The following LPP variants were observed in gnomAD, a reference collection of about 807,000 sequenced individuals.
LPP encodes the protein LIM domain containing preferred translocation partner in lipoma.
Under a neutral mutation model 60.4 loss-of-function variants are expected in LPP, and 38 were observed. The ratio of observed to expected loss-of-function variants is 0.63; its 90% CI spans 0.49 to 0.83. The LOEUF is 0.83. Ranked by LOEUF, LPP falls within the 40% of genes least tolerant of loss-of-function variation. The pLI, the probability that LPP is intolerant of heterozygous loss-of-function variation, is 0.00. For synonymous variants in LPP, 328 were observed against 290.8 expected (o/e 1.13, Z -1.30); for missense variants, 902 against 783.6 (o/e 1.15, Z -1.80).
At chr3:188,540,916 G>T (rs569775633) in intron 6 of LPP, among the ~76,000 whole-genome samples, 2 of 152,196 alleles carry the variant, frequency 1.3e-5, no homozygotes, top group African/African-American at 4.8e-5. Flanking sequence ...CTTGTGCTTT[G>T]CCCAGCCCCC....
At chr3:188,156,139 G>A (rs1222496557) in intron 1 of LPP, among the ~76,000 whole-genome samples, 1 of 152,196 alleles carries the variant, frequency 6.6e-6, no homozygotes, top group Non-Finnish European at 1.5e-5. Flanking sequence ...CTCCAGAGGG[G>A]ATTACCTATT....
At chr3:188,483,093 A>T (rs1560461625) in intron 4 of LPP, among the ~76,000 whole-genome samples, 3 of 152,130 alleles carry the variant, frequency 2.0e-5, no homozygotes, top group Non-Finnish European at 4.4e-5. Flanking sequence ...ATCTTAGCAA[A>T]CTGCCTGGCA....
intron 2 of LPP, among the ~76,000 whole-genome samples, chr3:188,293,890 C>A (rs1425108091): frequency 1.3e-5 from 2 of 151,394 alleles, no homozygotes; most frequent in Admixed American, 6.6e-5. Flanking sequence ...CATGGTGAAA[C>A]CCCCGTCTCT....
At chr3:188,374,323 A>G (rs1774272516) in intron 3 of LPP, among the ~76,000 whole-genome samples, 1 of 152,084 alleles carries the variant, frequency 6.6e-6, no homozygotes, top group Admixed American at 6.5e-5. Context: ...CATGATATTG[A>G]TTCTTCCTAC....
chr3:188,620,661 C>A (rs1000632318), intron 7 of LPP, among the ~76,000 whole-genome samples: 1 of 152,018 alleles, frequency 6.6e-6, no homozygotes, highest in African/African-American at 2.4e-5. Context: ...TGGGTATACA[C>A]CTAAAAGTGG....
intron 8 of LPP, among the ~76,000 whole-genome samples, chr3:188,717,497 G>GA (rs1267996799): frequency 6.6e-6 from 1 of 152,114 alleles, no homozygotes; most frequent in Admixed American, 6.5e-5. Flanking sequence ...CCTAATTAAT[G>GA]AAAAACCCCA....
At chr3:188,832,952 A>G (rs1757486357) in intron 9 of LPP, among the ~76,000 whole-genome samples, 1 of 152,196 alleles carries the variant, frequency 6.6e-6, no homozygotes, top group Admixed American at 6.5e-5. Context: ...TGGCAAGTCG[A>G]TAACACTGGA....
At chr3:188,865,501 G>A (rs1295379009) in intron 9 of LPP, among the ~76,000 whole-genome samples, 1 of 152,206 alleles carries the variant, frequency 6.6e-6, no homozygotes, top group Admixed American at 6.5e-5. Context: ...TCATCTGACA[G>A]GCTATTCTGT....
chr3:188,282,169 T>C (rs979600742), intron 2 of LPP, among the ~76,000 whole-genome samples: 10 of 152,068 alleles, frequency 6.6e-5, no homozygotes. Context: ...CTTTCTTTAT[T>C]ATATTTTTAG....
rs545696191 is a variant in LPP, at chr3:188,416,100, A to AT, written c.193+9790dup. Among the ~76,000 whole-genome samples, 52 of 30,502 alleles carry AT rather than the reference A, an allele frequency of 1.7e-3. 1 individual carries two copies. Among genetic ancestry groups the AT allele is most frequent in the South Asian group, 4.2e-3 (7 of 1,682 alleles). 20.0% of individuals were successfully genotyped at this position (30,502 alleles called of 152,430 possible). On this transcript the variant is annotated intron_variant, in intron 4 of 11. Coordinates refer to ENST00000617246, the MANE Select transcript of LPP (RefSeq NM_001375462.1). ...TTTTTGCAACTTTCTATGAGTCCATATTTAAAAAAAAATTAATAATAGTAA... is the reference window on the plus strand; with the variant it reads ...TTTTTGCAACTTTCTATGAGTCCATATTTTAAAAAAAAATTAATAATAGTAA...
intron 4 of LPP, among the ~76,000 whole-genome samples, chr3:188,433,568 G>A (rs1791485110): frequency 7.1e-6 from 1 of 141,512 alleles, no homozygotes; most frequent in Non-Finnish European, 1.5e-5. Context: ...GCTCAGGGAT[G>A]AGAGAGAGAG....
chr3:188,761,590 C>A (rs780091792), intron 9 of LPP, among the ~76,000 whole-genome samples: 1 of 152,168 alleles, frequency 6.6e-6, no homozygotes, highest in Non-Finnish European at 1.5e-5. Flanking sequence ...AAGAGGAAAG[C>A]GACTTCGTAT....
At chr3:188,758,166 T>C (rs940226944) in intron 8 of LPP, among the ~76,000 whole-genome samples, 2 of 152,176 alleles carry the variant, frequency 1.3e-5, no homozygotes, top group African/African-American at 4.8e-5. Flanking sequence ...GCACTTCATA[T>C]TTCTTTTTGG....
chr3:188,805,449 C>CTT (rs1443918216), intron 9 of LPP, among the ~76,000 whole-genome samples: 3 of 151,112 alleles, frequency 2.0e-5, no homozygotes, highest in Non-Finnish European at 4.4e-5. Flanking sequence ...TTGTTTCCCT[C>CTT]TCATTCATGA....
chr3:188,373,612 T>G (rs1160315219), intron 3 of LPP, among the ~76,000 whole-genome samples: 1 of 152,036 alleles, frequency 6.6e-6, no homozygotes, highest in Non-Finnish European at 1.5e-5. Flanking sequence ...TATTAGCCCT[T>G]TGTCAGATGA....
rs567716680 is a variant in LPP at position 188,843,119 on chromosome 3, T to C, written c.1411-23081T>C. 3.3e-5 allele frequency among the ~76,000 whole-genome samples: 5 copies of C among 152,336 alleles called. No homozygotes were observed. In the East Asian group the frequency reaches 9.6e-4, roughly 29 times the overall value. ...TAATTAATTTACCCATTTTTCTTTTTTATCATAATCTTATATAAGGGAAAA... is the reference window on the plus strand; with the variant it reads ...TAATTAATTTACCCATTTTTCTTTTCTATCATAATCTTATATAAGGGAAAA... On this transcript the variant is annotated intron_variant, in intron 9 of 11. Coordinates refer to ENST00000617246, the MANE Select transcript of LPP (RefSeq NM_001375462.1).
At chr3:188,747,763 A>G (rs1038448744) in intron 8 of LPP, among the ~76,000 whole-genome samples, 2 of 152,224 alleles carry the variant, frequency 1.3e-5, no homozygotes, top group African/African-American at 4.8e-5. Context: ...ACGTCACTTC[A>G]GCGCTCAGAC....
At position 188,474,046 on chromosome 3, in the gene LPP, G is replaced by A. The variant is rs1027795177; in HGVS notation, c.194-10546G>A. On this transcript the variant is annotated intron_variant, in intron 4 of 11. Coordinates refer to ENST00000617246, the MANE Select transcript of LPP (RefSeq NM_001375462.1). ...TATCATGAAGGACCTATGACCCACC[G>A]TAGTACATTGTTGACCTTATGTCAA... Among the ~76,000 whole-genome samples, 10 of 152,328 alleles carry A rather than the reference G, an allele frequency of 6.6e-5. No homozygotes were observed. The South Asian group carries it at 8.3e-4, about 13-fold the overall frequency.
intron 2 of LPP, among the ~76,000 whole-genome samples, chr3:188,244,770 ACTGC>A (rs1726276786): frequency 1.9e-4 from 29 of 152,262 alleles, no homozygotes; most frequent in Admixed American, 1.6e-3. Context: ...GCTTAATCAC[ACTGC>A]CTGGTGTCTA....
Sources: allele counts gnomAD v4.1 joint callset (sites outside exome capture counted in the v4.1 genomes callset), GRCh38; gene constraint gnomAD v4.1.1; transcripts MANE v1.5; gene names NCBI Gene and HGNC (gene_info 2026-07-23, HGNC 2026-07-21).